Variants in ATXN7L3B observed in about 807,000 individuals in gnomAD.
ATXN7L3B encodes ataxin-7-like protein 3B.
ATXN7L3B carries 4 observed loss-of-function variants against 6.3 expected under a neutral mutation model. The ratio of observed to expected loss-of-function variants is 0.63; its 90% confidence interval spans 0.31 to 1.45. ATXN7L3B has a LOEUF of 1.45. Ranked by LOEUF, ATXN7L3B falls within the 40% of genes most tolerant of loss-of-function variation. The pLI is 0.07. For synonymous variants in ATXN7L3B, 63 were observed against 48.0 expected (o/e 1.31, Z -1.29); for missense variants, 120 against 118.5 (o/e 1.01, Z -0.06).
chr12:74,537,905 A>C lies in ATXN7L3B; in HGVS notation c.-208A>C. 3.9e-5 allele frequency: 22 copies of C among 562,932 alleles called. No homozygotes were observed. The highest frequency in any genetic ancestry group is 9.1e-5 in the East Asian group (3 of 32,792). 34.9% of individuals were successfully genotyped at this position (562,932 alleles called of 1,614,324 possible). A position where few individuals can be genotyped will look rare whatever the true frequency, so the allele number is the denominator to read the frequency against. ...GCCAGGCGCAGCTGAAAGGCCCGCA[A>C]CCCGGGAAACGTCAAAACAAACAGA... On this transcript the variant is annotated 5_prime_UTR_variant, in exon 1 of 1. Coordinates refer to ENST00000519948, the MANE Select transcript of ATXN7L3B (RefSeq NM_001136262.2).
chr12:74,537,888 C>T lies in ATXN7L3B; in HGVS notation c.-225C>T, dbSNP rs1868759575. 3.6e-6 allele frequency: 2 copies of T among 558,770 alleles called. No homozygotes were observed. The highest frequency in any genetic ancestry group is 3.1e-5 in the Admixed American group (1 of 31,810). 34.6% of individuals were successfully genotyped at this position (558,770 alleles called of 1,614,324 possible). ...TTGGCGGTGAGTCCTGGGCCAGGCG[C>T]AGCTGAAAGGCCCGCAACCCGGGAA... On this transcript the variant is annotated 5_prime_UTR_variant, in exon 1 of 1. Transcript: ENST00000519948.
rs533993931 is a variant in ATXN7L3B, at chr12:74,542,816, A to G, written c.*4410A>G. 5.3e-5 allele frequency: 8 copies of G among 152,256 alleles called. No individual in the cohort carries two copies. The highest frequency in any genetic ancestry group is 8.8e-5 in the Non-Finnish European group (6 of 67,978). The allele number at this position is 152,256 out of a possible 1,614,324, so 9.4% of individuals were successfully genotyped here. A position where few individuals can be genotyped will look rare whatever the true frequency, so the allele number is the denominator to read the frequency against. ...GAAGTGTTGTGAAGTTTTTCTTACA[A>G]TTTTTTAAAAGAGATTTATGAAGAA... On this transcript the variant is annotated 3_prime_UTR_variant, in exon 1 of 1. Transcript: ENST00000519948.
rs1400587613 is a variant in ATXN7L3B, at chr12:74,539,362, A to C, written c.*956A>C. The C allele has an allele frequency of 4.8e-5, 8 of 167,096 alleles. No homozygotes were observed. 10.4% of individuals were successfully genotyped at this position (167,096 alleles called of 1,614,324 possible). A position where few individuals can be genotyped will look rare whatever the true frequency, so the allele number is the denominator to read the frequency against. On this transcript the variant is annotated 3_prime_UTR_variant, in exon 1 of 1. Coordinates refer to ENST00000519948, the MANE Select transcript of ATXN7L3B (RefSeq NM_001136262.2). ...TAAGTCAGGTCACTATCTGCCTCCC[A>C]CCCTGGGGGCAGGACTGAAGTATGG...
Position 74,538,159 on chromosome 12 carries a change from C to T in ATXN7L3B, c.47C>T (p.Ala16Val), listed in dbSNP as rs1330298335. The T allele has an allele frequency of 6.3e-7, 1 of 1,583,068 alleles. No homozygotes were observed. Residue 16 changes from alanine to valine, a missense_variant, in exon 1 of 1, where the codon GCC becomes GTC. Physicochemically the swap from Ala to Val is moderately conservative, Grantham distance 64 (BLOSUM62 0). Coordinates refer to ENST00000519948, the MANE Select transcript of ATXN7L3B (RefSeq NM_001136262.2). ...LANLDTNKLEAIAQEIYVDLI... is the reference protein window; with the variant it reads ...LANLDTNKLEVIAQEIYVDLI... ...AACCTGGATACTAACAAGCTAGAGGCCATCGCTCAGGAGATTTACGTAGAC... is the reference window on the plus strand; with the variant it reads ...AACCTGGATACTAACAAGCTAGAGGTCATCGCTCAGGAGATTTACGTAGAC...
In ATXN7L3B at chr12:74,540,380, C is replaced by T. The variant is rs2136588423; in HGVS notation, c.*1974C>T. On this transcript the variant is annotated 3_prime_UTR_variant, in exon 1 of 1. Coordinates refer to ENST00000519948, the MANE Select transcript of ATXN7L3B (RefSeq NM_001136262.2). ...GGGATGGAGTTGGTCCTTGTCCATT[C>T]TCTCACCCTTGCTGTGCATGTATCA... 6.0e-6 allele frequency: 1 copy of T among 167,170 alleles called. No individual in the cohort carries two copies. The highest frequency in any genetic ancestry group is 2.4e-5 in the African/African-American group (1 of 41,534). 10.4% of individuals were successfully genotyped at this position (167,170 alleles called of 1,614,324 possible).
rs1235432106 is a variant in ATXN7L3B, at chr12:74,544,218, TA to T, written c.*5813del. 12 of 152,148 alleles carry T rather than the reference TA, an allele frequency of 7.9e-5. No individual in the cohort carries two copies. Among genetic ancestry groups the T allele is most frequent in the African/African-American group, 2.9e-4 (12 of 41,580 alleles). The allele number at this position is 152,148 out of a possible 1,614,324, so 9.4% of individuals were successfully genotyped here. A position where few individuals can be genotyped will look rare whatever the true frequency, so the allele number is the denominator to read the frequency against. ...ATATCACAAGAACTGTGTAAGATTT[TA>T]TAAAGAAAATAATATTTTCTAATAT... On this transcript the variant is annotated 3_prime_UTR_variant, in exon 1 of 1. Coordinates refer to ENST00000519948, the MANE Select transcript of ATXN7L3B (RefSeq NM_001136262.2).
rs559920017 is a variant in ATXN7L3B, at chr12:74,539,922, T to C, written c.*1516T>C. 3.0e-5 allele frequency: 5 copies of C among 167,658 alleles called. No homozygotes were observed. The highest frequency in any genetic ancestry group is 4.8e-5 in the African/African-American group (2 of 41,594). 10.4% of individuals were successfully genotyped at this position (167,658 alleles called of 1,614,324 possible). ...GGGGGTCCAGCCTCATCTGTCTGGC[T>C]TGGCCCTGTGTTCCTCCTGTCCCCT... On this transcript the variant is annotated 3_prime_UTR_variant, in exon 1 of 1. Transcript: ENST00000519948.
In ATXN7L3B at chr12:74,542,027, C is replaced by T. The variant is rs945038562; in HGVS notation, c.*3621C>T. ...CCTAATCAGTCTCTTGCTATGTGTT[C>T]TAATTTATTAAAGTTTCGTATTGGA... On this transcript the variant is annotated 3_prime_UTR_variant, in exon 1 of 1. Transcript: ENST00000519948. The T allele has an allele frequency of 6.6e-6, 1 of 152,060 alleles. No individual in the cohort carries two copies. The highest frequency in any genetic ancestry group is 2.4e-5 in the African/African-American group (1 of 41,394). 9.4% of individuals were successfully genotyped at this position (152,060 alleles called of 1,614,324 possible).
chr12:74,538,305 G>A lies in ATXN7L3B; in HGVS notation c.193G>A (p.Glu65Lys), dbSNP rs977284774. The change falls in exon 1 of 1, where the codon GAA becomes AAA. Residue 65 changes from glutamate (E) to lysine (K), a missense_variant. Glu to Lys is a moderately conservative substitution (Grantham distance 56). Transcript: ENST00000519948. ...SVKDFGIQPVEDKGACRLPLC... is the reference protein window; with the variant it reads ...SVKDFGIQPVKDKGACRLPLC... ...GAAGGATTTTGGCATTCAGCCAGTG[G>A]AAGACAAAGGAGCGTGCCGCCTCCC... 1.1e-5 allele frequency: 17 copies of A among 1,556,108 alleles called. No homozygotes were observed. Among genetic ancestry groups the A allele is most frequent in the Admixed American group, 3.9e-5 (2 of 51,268 alleles).
rs536619168 is a variant in ATXN7L3B, at chr12:74,542,058, TACTG to T, written c.*3654_*3657del. 1.3e-3 allele frequency: 203 copies of T among 152,290 alleles called. No individual in the cohort carries two copies. The highest frequency in any genetic ancestry group is 4.7e-3 in the African/African-American group (194 of 41,550). The allele number at this position is 152,290 out of a possible 1,614,324, so 9.4% of individuals were successfully genotyped here. On this transcript the variant is annotated 3_prime_UTR_variant, in exon 1 of 1. Transcript: ENST00000519948. ...TATTAAAGTTTCGTATTGGACATAA[TACTG>T]AGATTAATAAAAATTACAGAAATGA...
chr12:74,542,683 T>G lies in ATXN7L3B; in HGVS notation c.*4277T>G, dbSNP rs974780008. 1 of 152,170 alleles carries G rather than the reference T, an allele frequency of 6.6e-6. No homozygotes were observed. The highest frequency in any genetic ancestry group is 1.5e-5 in the Non-Finnish European group (1 of 67,984). 9.4% of individuals were successfully genotyped at this position (152,170 alleles called of 1,614,324 possible). On this transcript the variant is annotated 3_prime_UTR_variant, in exon 1 of 1. Transcript: ENST00000519948. ...AATCTGATAAATGATTGCTTGATGT[T>G]GACAAAGTGAAAGACAAAATGAAGT...
In ATXN7L3B at chr12:74,541,899, T is replaced by A. The variant is rs530527498; in HGVS notation, c.*3493T>A. On this transcript the variant is annotated 3_prime_UTR_variant, in exon 1 of 1. Transcript: ENST00000519948. ...TACTTAAAAAATTACCTCAACACTTTAGATCTTTCATTTCATTTTTAATAG... is the reference window on the plus strand; with the variant it reads ...TACTTAAAAAATTACCTCAACACTTAAGATCTTTCATTTCATTTTTAATAG... 6.6e-6 allele frequency: 1 copy of A among 152,218 alleles called. No individual in the cohort carries two copies. The highest frequency in any genetic ancestry group is 6.5e-5 in the Admixed American group (1 of 15,278). 9.4% of individuals were successfully genotyped at this position (152,218 alleles called of 1,614,324 possible).
At position 74,539,868 on chromosome 12, in the gene ATXN7L3B, G is replaced by A. The variant is rs186408073; in HGVS notation, c.*1462G>A. 6.0e-6 allele frequency: 1 copy of A among 167,400 alleles called. No individual in the cohort carries two copies. Among genetic ancestry groups the A allele is most frequent in the Admixed American group, 6.5e-5 (1 of 15,308 alleles). 10.4% of individuals were successfully genotyped at this position (167,400 alleles called of 1,614,324 possible). On this transcript the variant is annotated 3_prime_UTR_variant, in exon 1 of 1. Coordinates refer to ENST00000519948, the MANE Select transcript of ATXN7L3B (RefSeq NM_001136262.2). Reference sequence around the variant, plus strand: ...GGAACGGTGCTGCTTTATTTGAAATGTTTTCTTACCTCATTCTGTGCCCCA... The same window carrying A: ...GGAACGGTGCTGCTTTATTTGAAATATTTTCTTACCTCATTCTGTGCCCCA...
rs538079377 is a variant in ATXN7L3B, at chr12:74,542,702, A to G, written c.*4296A>G. The G allele has an allele frequency of 2.0e-5, 3 of 152,294 alleles. No homozygotes were observed. In the South Asian group the frequency reaches 6.2e-4, roughly 32 times the overall value. The allele number at this position is 152,294 out of a possible 1,614,324, so 9.4% of individuals were successfully genotyped here. On this transcript the variant is annotated 3_prime_UTR_variant, in exon 1 of 1. Transcript: ENST00000519948. ...TGATGTTGACAAAGTGAAAGACAAA[A>G]TGAAGTGTACTGAAGTAACTAAAAA...
chr12:74,542,567 GAAA>G lies in ATXN7L3B; in HGVS notation c.*4170_*4172del, dbSNP rs11335906. ...TTTTCTGACTAGTATGATCTTTAAA[GAAA>G]AAAAAAAACACATTGCATACCTTTT... On this transcript the variant is annotated 3_prime_UTR_variant, in exon 1 of 1. Coordinates refer to ENST00000519948, the MANE Select transcript of ATXN7L3B (RefSeq NM_001136262.2). The G allele has an allele frequency of 1.3e-5, 2 of 149,802 alleles. No homozygotes were observed. Among genetic ancestry groups the G allele is most frequent in the African/African-American group, 2.5e-5 (1 of 40,758 alleles). 9.3% of individuals were successfully genotyped at this position (149,802 alleles called of 1,614,324 possible). A position where few individuals can be genotyped will look rare whatever the true frequency, so the allele number is the denominator to read the frequency against.
chr12:74,538,363 G>A lies in ATXN7L3B; in HGVS notation c.251G>A (p.Gly84Glu), dbSNP rs1189374135. ...LCSLPGEPGN[G>E]PDQQLQRSPP... ...TCCCTTCCCGGAGAACCTGGGAATG[G>A]GCCTGATCAGCAGCTGCAGCGCTCA... The change falls in exon 1 of 1, where the codon GGG (glycine) becomes GAG (glutamate). Residue 84 changes from glycine to glutamate, a missense_variant. Transcript: ENST00000519948. 3.9e-6 allele frequency: 6 copies of A among 1,551,816 alleles called. No homozygotes were observed. The Admixed American group carries it at 1.2e-4, about 30-fold the overall frequency.
chr12:74,541,754 T>A lies in ATXN7L3B; in HGVS notation c.*3348T>A, dbSNP rs1868904620. On this transcript the variant is annotated 3_prime_UTR_variant, in exon 1 of 1. Coordinates refer to ENST00000519948, the MANE Select transcript of ATXN7L3B (RefSeq NM_001136262.2). ...GCCCACTGTGACAGATAGTTCCATT[T>A]GAATTGAACTCAATATATCTTAGTA... 6.6e-6 allele frequency: 1 copy of A among 152,200 alleles called. No individual in the cohort carries two copies. The highest frequency in any genetic ancestry group is 1.5e-5 in the Non-Finnish European group (1 of 68,030). 9.4% of individuals were successfully genotyped at this position (152,200 alleles called of 1,614,324 possible).
rs899928084 is a variant in ATXN7L3B, at chr12:74,541,945, C to T, written c.*3539C>T. On this transcript the variant is annotated 3_prime_UTR_variant, in exon 1 of 1. Coordinates refer to ENST00000519948, the MANE Select transcript of ATXN7L3B (RefSeq NM_001136262.2). ...AATAGTAATTCTGAGGTTTTTCATCCCATTCCTAACCCAGAGTTTGAGCAC... is the reference window on the plus strand; with the variant it reads ...AATAGTAATTCTGAGGTTTTTCATCTCATTCCTAACCCAGAGTTTGAGCAC... 6.6e-6 allele frequency: 1 copy of T among 151,968 alleles called. No homozygotes were observed. The highest frequency in any genetic ancestry group is 1.5e-5 in the Non-Finnish European group (1 of 67,998). The allele number at this position is 151,968 out of a possible 1,614,324, so 9.4% of individuals were successfully genotyped here.
rs1229114045 is a variant in ATXN7L3B, at chr12:74,543,855, G to A, written c.*5449G>A. The A allele has an allele frequency of 1.3e-5, 2 of 150,888 alleles. No homozygotes were observed. Among genetic ancestry groups the A allele is most frequent in the East Asian group, 2.0e-4 (1 of 5,118 alleles). 9.3% of individuals were successfully genotyped at this position (150,888 alleles called of 1,614,324 possible). ...TCAAGAACTTGTACACACTGCAAAA[G>A]GGTATGTACCAAAAATCTACACCAG... On this transcript the variant is annotated 3_prime_UTR_variant, in exon 1 of 1. Transcript: ENST00000519948.
Sources: allele counts gnomAD v4.1 joint callset, GRCh38; gene constraint gnomAD v4.1.1; transcripts MANE v1.5; gene names NCBI Gene and HGNC (gene_info 2026-07-23, HGNC 2026-07-21).